MALRD1: variants seen among roughly 807,000 people sequenced by gnomAD.
MALRD1 encodes the protein MAM and LDL-receptor class A domain-containing protein 1.
A neutral mutation model predicts 242.1 loss-of-function variants in MALRD1; 247 were observed. That is an observed-to-expected ratio of 1.02 (90% CI 0.92 to 1.13). The LOEUF (loss-of-function observed/expected upper bound fraction) is 1.13, where lower values mean the gene tolerates loss of function less well. Among genes scored for constraint, MALRD1 ranks in the 50% most tolerant of loss-of-function variants. The pLI, the probability that MALRD1 is intolerant of heterozygous loss-of-function variation, is 0.00. For missense variants in MALRD1, 2,989 were observed against 2,533.1 expected (o/e 1.18, Z -3.86); for synonymous variants, 995 against 866.6 (o/e 1.15, Z -2.60).
At chr10:19,400,339 G>C (rs2130850877) in intron 28 of MALRD1, among the ~76,000 whole-genome samples, 1 of 152,276 alleles carries the variant, frequency 6.6e-6, no homozygotes, top group African/African-American at 2.4e-5. Flanking sequence ...TGAGGTTCAT[G>C]GAATGAGTTT....
chr10:19,067,697 G>T (rs995169797), intron 2 of MALRD1, among the ~76,000 whole-genome samples: 3 of 152,026 alleles, frequency 2.0e-5, no homozygotes, highest in South Asian at 2.1e-4. Context: ...ATTAAGTTTT[G>T]AGCCTTAGTT....
intron 29 of MALRD1, among the ~76,000 whole-genome samples, chr10:19,484,347 A>G (rs951761450): frequency 1.1e-4 from 17 of 152,236 alleles, no homozygotes; most frequent in African/African-American, 4.1e-4. Context: ...GTTTTAATTA[A>G]TGCACCCAGA....
chr10:19,520,760 A>G (rs1833842906), intron 31 of MALRD1, among the ~76,000 whole-genome samples: 1 of 152,110 alleles, frequency 6.6e-6, no homozygotes, highest in Non-Finnish European at 1.5e-5. Flanking sequence ...ACAAAAACAA[A>G]CCCTGATTAT....
intron 31 of MALRD1, among the ~76,000 whole-genome samples, chr10:19,520,188 T>C (rs1833816182): frequency 6.6e-6 from 1 of 152,122 alleles, no homozygotes; most frequent in African/African-American, 2.4e-5. Context: ...GCATTGAAAC[T>C]CGTGTGTATC....
chr10:19,649,403 T>C (rs867961761), intron 36 of MALRD1, among the ~76,000 whole-genome samples: 2 of 152,200 alleles, frequency 1.3e-5, no homozygotes, highest in Non-Finnish European at 2.9e-5. Context: ...GCATCTGTTA[T>C]TTTTTGACTT....
intron 34 of MALRD1, among the ~76,000 whole-genome samples, chr10:19,605,433 G>T (rs1838564568): frequency 6.6e-6 from 1 of 150,588 alleles, no homozygotes; most frequent in Non-Finnish European, 1.5e-5. Context: ...ATTCCAAAGT[G>T]CTGGGATTAC....
chr10:19,734,085 C>A, intron 39 of MALRD1, 72 bp from the exon 40 acceptor site: 11 of 1,194,816 alleles, frequency 9.2e-6, no homozygotes, highest in Non-Finnish European at 1.3e-5. Context: ...CTGCATTCTG[C>A]GTGATCTTTA....
chr10:19,530,139 T>G (rs754224311), intron 31 of MALRD1, among the ~76,000 whole-genome samples: 14 of 151,170 alleles, frequency 9.3e-5, no homozygotes, highest in Non-Finnish European at 1.8e-4. Context: ...TAATTGTAAC[T>G]AATGTAACAC....
At chr10:19,554,714 G>A (rs938379073) in intron 32 of MALRD1, among the ~76,000 whole-genome samples, 2 of 152,100 alleles carry the variant, frequency 1.3e-5, no homozygotes, top group South Asian at 2.1e-4. Context: ...CCCTGCAAAG[G>A]ACATGATCTT....
intron 5 of MALRD1, among the ~76,000 whole-genome samples, chr10:19,122,736 T>A (rs1837108179): frequency 6.6e-6 from 1 of 152,118 alleles, no homozygotes; most frequent in Admixed American, 6.5e-5. Context: ...AGGCACAATT[T>A]TTTTTTTGAG....
chr10:19,287,364 A>G (rs556100651), intron 21 of MALRD1, among the ~76,000 whole-genome samples: 14 of 151,776 alleles, frequency 9.2e-5, no homozygotes, highest in East Asian at 3.9e-4. Flanking sequence ...TAAAACCTCT[A>G]TTTCTCTCCC....
At chr10:19,076,887 A>C (rs932990136) in intron 2 of MALRD1, among the ~76,000 whole-genome samples, 1 of 151,970 alleles carries the variant, frequency 6.6e-6, no homozygotes, top group Admixed American at 6.6e-5. Flanking sequence ...TTTGGTAACT[A>C]CTGTCATCTG....
chr10:19,542,872 G>T (rs372711058), intron 32 of MALRD1, among the ~76,000 whole-genome samples: 1 of 152,142 alleles, frequency 6.6e-6, no homozygotes, highest in Non-Finnish European at 1.5e-5. Context: ...ATTTTTATGT[G>T]TTGAAGTTAT....
In MALRD1 at chr10:19,356,104, C is replaced by T. The variant is rs971906910; in HGVS notation, c.4441+3807C>T. 4.0e-5 allele frequency among the ~76,000 whole-genome samples: 6 copies of T among 151,060 alleles called. 1 individual carries two copies. The highest frequency in any genetic ancestry group is 1.2e-4 in the African/African-American group (5 of 41,122). On this transcript the variant is annotated intron_variant, in intron 26 of 39. Coordinates refer to ENST00000454679, the MANE Select transcript of MALRD1 (RefSeq NM_001142308.3). ...GAAATGGCTCCCAGAATTGGCTCTC[C>T]GTAAGACCAACTACCACTACAGTAG...
intron 26 of MALRD1, among the ~76,000 whole-genome samples, chr10:19,375,891 A>T (rs1435094480): frequency 6.6e-6 from 1 of 152,212 alleles, no homozygotes; most frequent in Non-Finnish European, 1.5e-5. Flanking sequence ...TGGGAGGCCG[A>T]AGCAGGTGGA....
At chr10:19,504,034 G>A (rs1163441562) in intron 31 of MALRD1, among the ~76,000 whole-genome samples, 1 of 152,108 alleles carries the variant, frequency 6.6e-6, no homozygotes, top group African/African-American at 2.4e-5. Context: ...AATAATCTTA[G>A]CAAGCTAATG....
At chr10:19,664,373 A>G (rs918809115) in intron 36 of MALRD1, among the ~76,000 whole-genome samples, 1 of 151,990 alleles carries the variant, frequency 6.6e-6, no homozygotes, top group African/African-American at 2.4e-5. Context: ...CAGAATAATC[A>G]TGCACTCCAG....
chr10:19,645,624 A>G (rs1041848565), intron 36 of MALRD1, among the ~76,000 whole-genome samples: 4 of 152,166 alleles, frequency 2.6e-5, no homozygotes, highest in Admixed American at 1.3e-4. Flanking sequence ...AAACTATCCC[A>G]AGGACTAAAA....
At chr10:19,355,858 T>TATATCTATATATATATATATATATATA (rs57813656) in intron 26 of MALRD1, among the ~76,000 whole-genome samples, 1 of 94,924 alleles carries the variant, frequency 1.1e-5, no homozygotes, top group Non-Finnish European at 2.2e-5. Context: ...TATATATATA[T>TATATCTATATATATATATATATATATA]TATATATGAT....
Sources: allele counts gnomAD v4.1 joint callset (sites outside exome capture counted in the v4.1 genomes callset), GRCh38; gene constraint gnomAD v4.1.1; transcripts MANE v1.5; gene names NCBI Gene and HGNC (gene_info 2026-07-23, HGNC 2026-07-21).